The following PTPRD variants were observed in gnomAD, a reference collection of about 807,000 sequenced individuals.
PTPRD encodes protein tyrosine phosphatase receptor type D.
PTPRD carries 34 observed loss-of-function variants against 214.5 expected under a neutral mutation model. The observed-to-expected ratio is 0.16, with a 90% CI of 0.12 to 0.21. PTPRD has a LOEUF of 0.21. Among genes scored for constraint, PTPRD ranks in the 10% least tolerant of loss-of-function variants. The probability of loss-of-function intolerance (pLI) is 1.00; values close to 1 mark genes in which losing one functional copy is unlikely to be tolerated. For missense variants in PTPRD, 2,545 were observed against 2,398.7 expected (o/e 1.06, Z -1.27); for synonymous variants, 1,128 against 845.7 (o/e 1.33, Z -5.79).
chr9:10,233,907 G>T (rs536923931), intron 3 of PTPRD, among the ~76,000 whole-genome samples: 55 of 151,906 alleles, frequency 3.6e-4, no homozygotes, highest in African/African-American at 1.3e-3. Flanking sequence ...CCTTTAATTG[G>T]AATCACTGAC....
chr9:9,905,123 C>G (rs1484280095), intron 5 of PTPRD, among the ~76,000 whole-genome samples: 1 of 152,010 alleles, frequency 6.6e-6, no homozygotes, highest in Non-Finnish European at 1.5e-5. Context: ...CATGCCTGAA[C>G]TTAGCCAATT....
intron 8 of PTPRD, among the ~76,000 whole-genome samples, chr9:9,510,634 G>A (rs1011002063): frequency 6.6e-6 from 1 of 150,624 alleles, no homozygotes; most frequent in Non-Finnish European, 1.5e-5. Context: ...ATTAAGAAAA[G>A]GCAAAATTAC....
chr9:10,327,807 T>A (rs920781537), intron 3 of PTPRD, among the ~76,000 whole-genome samples: 1 of 151,728 alleles, frequency 6.6e-6, no homozygotes, highest in Non-Finnish European at 1.5e-5. Flanking sequence ...CTCAAACCAA[T>A]GCCAAACTTT....
intron 9 of PTPRD, among the ~76,000 whole-genome samples, chr9:9,343,132 C>A (rs112686641): frequency 0.1 from 15,254 of 152,210 alleles, 985 homozygotes; most frequent in Middle Eastern, 0.16. Context: ...CAGTCTATCA[C>A]TGATAGGCAT....
intron 2 of PTPRD, among the ~76,000 whole-genome samples, chr9:10,493,616 A>G (rs1472409283): frequency 2.0e-5 from 3 of 151,942 alleles, no homozygotes; most frequent in Admixed American, 2.0e-4. Flanking sequence ...TCTTTTAATA[A>G]CACTTGGTCA....
chr9:10,097,548 T>C (rs1257627311), intron 3 of PTPRD, among the ~76,000 whole-genome samples: 2 of 151,680 alleles, frequency 1.3e-5, no homozygotes, highest in Admixed American at 1.3e-4. Flanking sequence ...TTGTCTGTTA[T>C]TGGTGTATAA....
At chr9:10,382,798 G>T (rs2097848572) in intron 2 of PTPRD, among the ~76,000 whole-genome samples, 1 of 151,778 alleles carries the variant, frequency 6.6e-6, no homozygotes, top group African/African-American at 2.4e-5. Flanking sequence ...CAAGGAAGAT[G>T]GTCCCTGCAC....
intron 9 of PTPRD, among the ~76,000 whole-genome samples, chr9:9,210,888 G>T (rs1020611712): frequency 6.6e-6 from 1 of 150,760 alleles, no homozygotes; most frequent in African/African-American, 2.4e-5. Flanking sequence ...ATAGAAACCA[G>T]GCTTTTAAAA....
chr9:9,466,201 TAAG>T (rs2094141190), intron 8 of PTPRD, among the ~76,000 whole-genome samples: 1 of 152,116 alleles, frequency 6.6e-6, no homozygotes, highest in Admixed American at 6.6e-5. Context: ...CCCATCTACT[TAAG>T]AGGCTGAGGT....
chr9:9,430,884 C>T (rs2082825197), intron 8 of PTPRD, among the ~76,000 whole-genome samples: 1 of 152,156 alleles, frequency 6.6e-6, no homozygotes, highest in Admixed American at 6.5e-5. Flanking sequence ...CTTCCTTACA[C>T]CTTATACAAA....
intron 7 of PTPRD, among the ~76,000 whole-genome samples, chr9:9,719,189 C>G (rs1382954255): frequency 6.6e-6 from 1 of 152,136 alleles, no homozygotes; most frequent in African/African-American, 2.4e-5. Flanking sequence ...TGAGGATGAC[C>G]TGCCTGCAGA....
intron 10 of PTPRD, among the ~76,000 whole-genome samples, chr9:9,143,863 C>G (rs1160541228): frequency 6.6e-6 from 1 of 152,174 alleles, no homozygotes; most frequent in Non-Finnish European, 1.5e-5. Context: ...ACTTAGTGAT[C>G]CGAATTAAGC....
intron 9 of PTPRD, among the ~76,000 whole-genome samples, chr9:9,376,214 T>C (rs1053441606): frequency 3.3e-5 from 5 of 152,160 alleles, no homozygotes; most frequent in African/African-American, 1.2e-4. Flanking sequence ...AAATCATTTT[T>C]CTACTATAAT....
chr9:8,376,018 G>A lies in PTPRD; in HGVS notation c.4579C>T (p.His1527Tyr), dbSNP rs376839323. 6 of 1,612,874 alleles carry A rather than the reference G, an allele frequency of 3.7e-6. No homozygotes were observed. The African/African-American group carries it at 8.0e-5, about 22-fold the overall frequency. Reference sequence around the variant, plus strand: ...AAGAAAGCTAGAAAAGGTGTAGGGTGTTCTGGAACACCATGATCAGGCCAG... The same window carrying A: ...AAGAAAGCTAGAAAAGGTGTAGGGTATTCTGGAACACCATGATCAGGCCAG... ...TAWPDHGVPEHPTPFLAFLRR... is the reference protein window; with the variant it reads ...TAWPDHGVPEYPTPFLAFLRR... Residue 1527 changes from histidine (H) to tyrosine (Y), a missense_variant, in exon 39 of 46, where the codon CAC (histidine) becomes TAC (tyrosine). By Grantham distance (83) the His-to-Tyr change is moderately conservative. Coordinates refer to ENST00000381196, the MANE Select transcript of PTPRD (RefSeq NM_002839.4).
chr9:10,424,434 G>T (rs2098593350), intron 2 of PTPRD, among the ~76,000 whole-genome samples: 1 of 151,584 alleles, frequency 6.6e-6, no homozygotes, highest in African/African-American at 2.4e-5. Flanking sequence ...AGTCTCTGTG[G>T]CAATGGTCTA....
chr9:10,231,890 A>G (rs570845200), intron 3 of PTPRD, among the ~76,000 whole-genome samples: 1 of 150,680 alleles, frequency 6.6e-6, no homozygotes, highest in African/African-American at 2.5e-5. Context: ...TATCTTAGTG[A>G]CATTCTCTTG....
chr9:10,524,181 C>A (rs2134326947), intron 2 of PTPRD, among the ~76,000 whole-genome samples: 1 of 152,108 alleles, frequency 6.6e-6, no homozygotes, highest in South Asian at 2.1e-4. Flanking sequence ...ATAAGGGAAT[C>A]AACATGTAAA....
Position 8,726,589 on chromosome 9 carries a change from ATATATATATAT to A in PTPRD, c.64+7180_64+7190del, listed in dbSNP as rs1459529846. On this transcript the variant is annotated intron_variant, in intron 12 of 45. Transcript: ENST00000381196. ...TCTACTAAAAAAAAAAAAAAAAAAA[ATATATATATAT>A]ATATATATATATATATATATATATA... Among the ~76,000 whole-genome samples the A allele has an allele frequency of 3.1e-4, 4 of 12,918 alleles. 1 individual carries two copies. Among genetic ancestry groups the A allele is most frequent in the African/African-American group, 3.9e-4 (1 of 2,556 alleles). 8.5% of individuals were successfully genotyped at this position (12,918 alleles called of 152,430 possible).
At chr9:8,524,659 T>C (rs2097969312) in intron 18 of PTPRD, 1 of 542,224 alleles carries the variant, frequency 1.8e-6, no homozygotes, top group Admixed American at 3.1e-5. Flanking sequence ...GTTCAATCAA[T>C]ACAGTAAAAA....
Sources: gnomAD v4.1 joint callset for allele counts (sites outside exome capture counted in the v4.1 genomes callset) on GRCh38, gnomAD v4.1.1 for gene constraint, MANE v1.5 for transcripts, NCBI Gene and HGNC (gene_info 2026-07-23, HGNC 2026-07-21) for gene names.